Variants in PALLD observed in about 807,000 individuals in gnomAD.
PALLD encodes the protein palladin.
A neutral mutation model predicts 123.5 loss-of-function variants in PALLD; 61 were observed. That is an observed-to-expected ratio of 0.49 (90% confidence interval 0.40 to 0.61). PALLD has a LOEUF of 0.61. PALLD is among the 20% of genes least tolerant of loss of function. PALLD has a pLI of 0.00. For synonymous variants in PALLD, 465 were observed against 496.4 expected (o/e 0.94, Z 0.84); for missense variants, 1,273 against 1,377.0 (o/e 0.92, Z 1.20).
At chr4:168,640,620 G>T (rs1231108459) in intron 2 of PALLD, among the ~76,000 whole-genome samples, 1 of 152,238 alleles carries the variant, frequency 6.6e-6, no homozygotes, top group African/African-American at 2.4e-5. Flanking sequence ...CCTAACTTGG[G>T]TATGATGGTG....
chr4:168,608,695 A>G (rs1339678715), intron 2 of PALLD, among the ~76,000 whole-genome samples: 1 of 151,824 alleles, frequency 6.6e-6, no homozygotes, highest in Non-Finnish European at 1.5e-5. Context: ...TGCTGCTGCT[A>G]TTTTGGTTTT....
At chr4:168,499,124 C>T (rs1331065048) in intron 1 of PALLD, among the ~76,000 whole-genome samples, 3 of 91,554 alleles carry the variant, frequency 3.3e-5, no homozygotes, top group African/African-American at 8.8e-5. Context: ...CTGCATCAAA[C>T]ATAAAATTTC....
At chr4:168,922,697 A>G (rs754544757) in intron 18 of PALLD, among the ~76,000 whole-genome samples, 107 of 152,262 alleles carry the variant, frequency 7.0e-4, no homozygotes, top group Admixed American at 5.2e-4. Flanking sequence ...GTGGTGCTAC[A>G]GGTTAGCCAT....
chr4:168,799,638 T>G (rs552047778), intron 10 of PALLD, among the ~76,000 whole-genome samples: 40 of 152,302 alleles, frequency 2.6e-4, no homozygotes, highest in African/African-American at 9.4e-4. Context: ...TAACCAAGAT[T>G]TTTGTGTGTG....
intron 10 of PALLD, among the ~76,000 whole-genome samples, chr4:168,794,486 ACATG>A (rs1364329535): frequency 3.5e-5 from 5 of 143,780 alleles, no homozygotes. Flanking sequence ...ACGCACACAC[ACATG>A]CACGCACACA....
chr4:168,871,926 C>T (rs28610406), intron 10 of PALLD, among the ~76,000 whole-genome samples: 1,715 of 152,258 alleles, frequency 0.011, 47 homozygotes, highest in African/African-American at 0.039. Flanking sequence ...GCCAAAGTGA[C>T]CATTTACCCC....
chr4:168,905,138 G>GTTTTTTGTTTTTTT (rs1560894892), intron 15 of PALLD, among the ~76,000 whole-genome samples: 2 of 34,540 alleles, frequency 5.8e-5, no homozygotes, highest in Non-Finnish European at 1.4e-4. Flanking sequence ...TGTTTTGTTG[G>GTTTTTTGTTTTTTT]TTTTTTTTTT....
chr4:168,757,275 A>T (rs1180276860), intron 10 of PALLD, among the ~76,000 whole-genome samples: 1 of 152,238 alleles, frequency 6.6e-6, no homozygotes, highest in Admixed American at 6.5e-5. Context: ...AAAATTTTAG[A>T]TAACTTCTAA....
At chr4:168,503,570 C>T (rs920585020) in intron 1 of PALLD, among the ~76,000 whole-genome samples, 24 of 150,844 alleles carry the variant, frequency 1.6e-4, no homozygotes, top group African/African-American at 5.9e-4. Context: ...TGGTGTGAAC[C>T]TGGGAGGCGG....
chr4:168,860,632 G>A (rs987796588), intron 10 of PALLD, among the ~76,000 whole-genome samples: 8 of 152,182 alleles, frequency 5.3e-5, no homozygotes, highest in African/African-American at 1.2e-4. Flanking sequence ...AGGCCAGCCT[G>A]GCCAACATGG....
chr4:168,673,285 G>A (rs1780478121), intron 3 of PALLD, among the ~76,000 whole-genome samples: 1 of 152,246 alleles, frequency 6.6e-6, no homozygotes, highest in African/African-American at 2.4e-5. Flanking sequence ...TGGCTGATGG[G>A]ATGCGGTGAT....
chr4:168,812,864 A>G (rs1317438888), intron 10 of PALLD, among the ~76,000 whole-genome samples: 1 of 152,164 alleles, frequency 6.6e-6, no homozygotes, highest in Non-Finnish European at 1.5e-5. Flanking sequence ...TTCTTTCCCC[A>G]TCAAAACCTG....
chr4:168,926,458 T>C lies in PALLD; in HGVS notation c.*278T>C, dbSNP rs763627803. On this transcript the variant is annotated 3_prime_UTR_variant, in exon 22 of 22. Transcript: ENST00000505667. ...ACCAACATATTCCTTTGTCACATTA[T>C]GTAAAAGGCAGAAACATACCTTTGA... 26 of 1,080,330 alleles carry C rather than the reference T, an allele frequency of 2.4e-5. No homozygotes were observed. The highest frequency in any genetic ancestry group is 3.1e-5 in the African/African-American group (2 of 63,632). 66.9% of individuals were successfully genotyped at this position (1,080,330 alleles called of 1,614,324 possible).
chr4:168,592,982 T>C (rs922288007), intron 2 of PALLD, among the ~76,000 whole-genome samples: 1 of 151,728 alleles, frequency 6.6e-6, no homozygotes, highest in African/African-American at 2.4e-5. Context: ...CTGAGATTTA[T>C]AGTGGAATAA....
intron 2 of PALLD, among the ~76,000 whole-genome samples, chr4:168,529,079 G>T (rs1012839577): frequency 6.6e-6 from 1 of 152,158 alleles, no homozygotes; most frequent in Non-Finnish European, 1.5e-5. Flanking sequence ...GGGCACGGTG[G>T]CTCACACCTG....
chr4:168,910,123 C>A (rs781052359), intron 15 of PALLD, among the ~76,000 whole-genome samples: 2 of 151,478 alleles, frequency 1.3e-5, no homozygotes, highest in African/African-American at 4.9e-5. Flanking sequence ...TATTCTGTGG[C>A]AATATTTGTA....
intron 14 of PALLD, among the ~76,000 whole-genome samples, chr4:168,901,580 A>AG (rs1756525911): frequency 6.6e-6 from 1 of 152,236 alleles, no homozygotes. Context: ...AACCATAGCC[A>AG]GGCACAGTGG....
intron 3 of PALLD, among the ~76,000 whole-genome samples, chr4:168,671,144 T>C (rs1252314225): frequency 6.6e-6 from 1 of 152,102 alleles, no homozygotes; most frequent in Non-Finnish European, 1.5e-5. Context: ...TATAAAATCA[T>C]ATATATACTA....
At chr4:168,641,755 C>T (rs1381023369) in intron 2 of PALLD, among the ~76,000 whole-genome samples, 1 of 152,140 alleles carries the variant, frequency 6.6e-6, no homozygotes, top group African/African-American at 2.4e-5. Flanking sequence ...AATCTGAAGA[C>T]TTTATCTGGG....
Sources: allele counts gnomAD v4.1 joint callset (sites outside exome capture counted in the v4.1 genomes callset), GRCh38; gene constraint gnomAD v4.1.1; transcripts MANE v1.5; gene names NCBI Gene and HGNC (gene_info 2026-07-23, HGNC 2026-07-21).